The following RNF150 variants were observed in gnomAD, a reference collection of about 807,000 sequenced individuals.
The protein encoded by RNF150 is ring finger protein 150.
A neutral mutation model predicts 39.3 loss-of-function variants in RNF150; 24 were observed. The ratio of observed to expected loss-of-function variants is 0.61; its 90% CI spans 0.44 to 0.86. The LOEUF (loss-of-function observed/expected upper bound fraction) is 0.86, where lower values mean the gene tolerates loss of function less well. Among genes scored for constraint, RNF150 ranks in the 40% least tolerant of loss-of-function variants. The probability of loss-of-function intolerance (pLI) is 0.00; values close to 1 mark genes in which losing one functional copy is unlikely to be tolerated. For missense variants in RNF150, 502 were observed against 587.8 expected (o/e 0.85, Z 1.51); for synonymous variants, 255 against 227.3 (o/e 1.12, Z -1.10).
chr4:141,166,502 C>A (rs149797673), intron 1 of RNF150, among the ~76,000 whole-genome samples: 4,585 of 152,182 alleles, frequency 0.03, 230 homozygotes, highest in African/African-American at 0.1. Context: ...AAGAAAATTT[C>A]AGGCTAATAT....
At chr4:141,134,948 G>A (rs1471612274), upstream of RNF150, among the ~76,000 whole-genome samples, 2 of 152,232 alleles carry the variant, frequency 1.3e-5, no homozygotes, top group East Asian at 3.9e-4. Context: ...ACTTGGAGAA[G>A]CTATGTTATT....
intron 1 of RNF150, among the ~76,000 whole-genome samples, chr4:140,977,404 G>A (rs757178732): frequency 1.9e-4 from 29 of 152,132 alleles, no homozygotes; most frequent in Non-Finnish European, 3.5e-4. Context: ...GAGCATCTGT[G>A]GTTGTGAGAG....
In RNF150 at chr4:141,133,204, A is replaced by G; in HGVS notation, c.-396T>C. ...CCTGCGCCCTCCAGCCCCGGCGGGG[A>G]CGGGCACGATTGCTCGTAGTCTGGG... On this transcript the variant is annotated 5_prime_UTR_variant, in exon 1 of 7. Coordinates refer to ENST00000515673, the MANE Select transcript of RNF150 (RefSeq NM_020724.2). 1 of 233,556 alleles carries G rather than the reference A, an allele frequency of 4.3e-6. No homozygotes were observed. Among genetic ancestry groups the G allele is most frequent in the South Asian group, 5.4e-5 (1 of 18,598 alleles). 14.5% of individuals were successfully genotyped at this position (233,556 alleles called of 1,614,324 possible).
chr4:140,951,436 C>T (rs1732535122), intron 2 of RNF150, among the ~76,000 whole-genome samples: 1 of 152,048 alleles, frequency 6.6e-6, no homozygotes, highest in African/African-American at 2.4e-5. Flanking sequence ...TGCGCATACA[C>T]ACACGTACAC....
intron 1 of RNF150, among the ~76,000 whole-genome samples, chr4:141,123,316 G>A (rs1350628871): frequency 2.0e-5 from 3 of 152,110 alleles, no homozygotes; most frequent in Non-Finnish European, 2.9e-5. Flanking sequence ...ACTGAGAAGA[G>A]CAAAGATCAC....
chr4:141,027,917 TTTTTTTTTG>T (rs1560696662), intron 1 of RNF150, among the ~76,000 whole-genome samples: 13 of 53,422 alleles, frequency 2.4e-4, no homozygotes, highest in African/African-American at 6.0e-4. Flanking sequence ...AATTTGTTTT[TTTTTTTTTG>T]TTTTTTTTTT....
chr4:140,944,502 G>T (rs946365903), intron 4 of RNF150: 15 of 152,136 alleles, frequency 9.9e-5, no homozygotes, highest in Non-Finnish European at 1.0e-4. Context: ...AGGTGTGTAT[G>T]TGCATGACTT....
chr4:140,881,976 T>C (rs901831070), intron 6 of RNF150, among the ~76,000 whole-genome samples: 6 of 152,176 alleles, frequency 3.9e-5, no homozygotes, highest in African/African-American at 1.2e-4. Context: ...TTGGAAAAGA[T>C]ATTTCGTATG....
intron 1 of RNF150, among the ~76,000 whole-genome samples, chr4:141,026,945 C>T (rs1475274791): frequency 2.6e-5 from 4 of 152,106 alleles, no homozygotes; most frequent in African/African-American, 9.7e-5. Context: ...AGGAGTAATG[C>T]CTCTTGGCTT....
chr4:141,019,944 G>A (rs933946841), intron 1 of RNF150, among the ~76,000 whole-genome samples: 23 of 152,112 alleles, frequency 1.5e-4, no homozygotes, highest in African/African-American at 4.3e-4. Flanking sequence ...CAATACAAAC[G>A]TCTGGTTTGT....
chr4:141,026,115 C>T (rs577236370), intron 1 of RNF150, among the ~76,000 whole-genome samples: 1 of 152,250 alleles, frequency 6.6e-6, no homozygotes, highest in African/African-American at 2.4e-5. Flanking sequence ...CCAGACTTCA[C>T]AACTGTGAGA....
chr4:141,118,177 T>C (rs1424768288), intron 1 of RNF150, among the ~76,000 whole-genome samples: 2 of 152,072 alleles, frequency 1.3e-5, no homozygotes, highest in Non-Finnish European at 2.9e-5. Context: ...CCCAAACTCA[T>C]GAATACTGAG....
rs1727755230 is a variant in RNF150 at position 141,172,978 on chromosome 4, A to G, written c.-6+39816T>C. 2.0e-5 allele frequency among the ~76,000 whole-genome samples: 3 copies of G among 152,116 alleles called. No individual in the cohort carries two copies. The South Asian group carries it at 6.2e-4, about 32-fold the overall frequency. On this transcript the variant is annotated intron_variant, in intron 1 of 7. Transcript: ENST00000420921. The stretch of plus-strand genomic sequence containing the variant: ...GAGGCCGAGGGTGCAGTGAGCCAAG[A>G]TCGCGGCATTGCACTTCAGCCTGGG...
chr4:141,053,209 A>C (rs1215621589), intron 1 of RNF150, among the ~76,000 whole-genome samples: 1 of 152,168 alleles, frequency 6.6e-6, no homozygotes, highest in Non-Finnish European at 1.5e-5. Flanking sequence ...TCAATTGACA[A>C]TATTTCCTGA....
chr4:140,967,564 G>T (rs189221617), intron 2 of RNF150, 59 bp downstream of exon 2: 80 of 1,462,888 alleles, frequency 5.5e-5, no homozygotes, highest in African/African-American at 5.2e-4. Flanking sequence ...CATGTTCAAA[G>T]ATGTTTAATA....
intron 6 of RNF150, among the ~76,000 whole-genome samples, chr4:140,884,125 G>T (rs1729477633): frequency 6.6e-6 from 1 of 151,816 alleles, no homozygotes; most frequent in African/African-American, 2.4e-5. Context: ...TTGAATTTCT[G>T]TTTGTTTCTT....
intron 1 of RNF150, among the ~76,000 whole-genome samples, chr4:141,098,365 C>T (rs1416336846): frequency 6.6e-6 from 1 of 152,214 alleles, no homozygotes; most frequent in East Asian, 1.9e-4. Context: ...GTCAGACATC[C>T]CTGGGACAGT....
intron 1 of RNF150, among the ~76,000 whole-genome samples, chr4:141,111,480 G>T (rs1331132886): frequency 3.3e-5 from 5 of 152,110 alleles, no homozygotes; most frequent in Non-Finnish European, 5.9e-5. Context: ...GTATAAGCTT[G>T]CATTGCGAGG....
chr4:140,899,002 C>T (rs533419780), intron 6 of RNF150, among the ~76,000 whole-genome samples: 8 of 152,120 alleles, frequency 5.3e-5, no homozygotes, highest in Non-Finnish European at 1.2e-4. Flanking sequence ...CTCCCTGCTG[C>T]GAACATTAGA....
Sources: allele counts gnomAD v4.1 joint callset (sites outside exome capture counted in the v4.1 genomes callset), GRCh38; gene constraint gnomAD v4.1.1; transcripts MANE v1.5; gene names NCBI Gene and HGNC (gene_info 2026-07-23, HGNC 2026-07-21).